ALOX5AP: variants seen among roughly 807,000 people sequenced by gnomAD.
ALOX5AP encodes the protein arachidonate 5-lipoxygenase-activating protein.
ALOX5AP carries 9 observed loss-of-function variants against 18.5 expected under a neutral mutation model. The ratio of observed to expected loss-of-function variants is 0.49; its 90% CI spans 0.29 to 0.85. The LOEUF (loss-of-function observed/expected upper bound fraction) is 0.85. Among genes scored for constraint, ALOX5AP ranks in the 40% least tolerant of loss-of-function variants. The probability of loss-of-function intolerance (pLI) is 0.08; values close to 1 mark genes in which losing one functional copy is unlikely to be tolerated. For missense variants in ALOX5AP, 172 were observed against 202.5 expected, an observed-to-expected ratio of 0.85 and a Z score of 0.91; for synonymous variants, 81 against 78.6, an observed-to-expected ratio of 1.03 and a Z score of -0.16.
At chr13:30,757,522 C>T (rs1480224646) in intron 4 of ALOX5AP, among the ~76,000 whole-genome samples, 5 of 152,112 alleles carry the variant, frequency 3.3e-5, no homozygotes, top group African/African-American at 1.2e-4. Context: ...TCTATCATGC[C>T]TTTTCCCATG....
chr13:30,719,785 G>T (rs940124334), intron 1 of ALOX5AP, among the ~76,000 whole-genome samples: 1 of 152,116 alleles, frequency 6.6e-6, no homozygotes, highest in African/African-American at 2.4e-5. Context: ...TCTAATTCGT[G>T]ATTGTAATTC....
rs1593422609 is a variant in ALOX5AP, at chr13:30,714,635, A to G, written c.116+794A>G. ...GAGTTCTTGAGCCAGGACCTAGCGC[A>G]TAGTCTCCAGCCTGCTGATGGCTGT... On this transcript the variant is annotated intron_variant, in intron 1 of 5. Coordinates refer to the ALOX5AP transcript ENST00000617770. Among the ~76,000 whole-genome samples the G allele has an allele frequency of 2.0e-5, 3 of 151,500 alleles. No individual in the cohort carries two copies. The East Asian group carries it at 5.9e-4, about 30-fold the overall frequency.
At chr13:30,733,019 C>T (rs1205765296), upstream of ALOX5AP, among the ~76,000 whole-genome samples, 5 of 151,900 alleles carry the variant, frequency 3.3e-5, no homozygotes, top group Non-Finnish European at 5.9e-5. Flanking sequence ...ATTAGCCAGG[C>T]GTGGTGGTGG....
At chr13:30,722,830 T>C (rs1951604671) in intron 1 of ALOX5AP, among the ~76,000 whole-genome samples, 1 of 152,176 alleles carries the variant, frequency 6.6e-6, no homozygotes, top group Admixed American at 6.5e-5. Flanking sequence ...CTTGGATCCT[T>C]CCACCCCTCT....
chr13:30,746,421 C>CA (rs1951809975), intron 2 of ALOX5AP, among the ~76,000 whole-genome samples: 1 of 152,238 alleles, frequency 6.6e-6, no homozygotes, highest in Non-Finnish European at 1.5e-5. Context: ...TTCTGTAAGA[C>CA]AAAAACTGTC....
chr13:30,738,808 G>A (rs879302958), intron 1 of ALOX5AP, among the ~76,000 whole-genome samples: 2 of 152,102 alleles, frequency 1.3e-5, no homozygotes, highest in Non-Finnish European at 2.9e-5. Flanking sequence ...CATTAGCAGC[G>A]GCCTCTTTCC....
chr13:30,733,776 C>A (rs1951699802), upstream of ALOX5AP, among the ~76,000 whole-genome samples: 1 of 152,192 alleles, frequency 6.6e-6, no homozygotes, highest in African/African-American at 2.4e-5. Context: ...GGGCAAATTC[C>A]CTCTTCTTCT....
chr13:30,716,192 A>AT (rs1242445334), intron 1 of ALOX5AP, among the ~76,000 whole-genome samples: 1 of 152,144 alleles, frequency 6.6e-6, no homozygotes, highest in Non-Finnish European at 1.5e-5. Context: ...GTTAGCTTGC[A>AT]TTTTTCAATC....
chr13:30,717,643 C>T (rs145882451), intron 1 of ALOX5AP, among the ~76,000 whole-genome samples: 3 of 152,272 alleles, frequency 2.0e-5, no homozygotes, highest in East Asian at 3.9e-4. Context: ...ATGCATAGGG[C>T]GAGGTGTGGA....
At chr13:30,743,860 CTG>C (rs1239893136) in intron 1 of ALOX5AP, among the ~76,000 whole-genome samples, 198 bp from the exon 2 acceptor site, 2 of 152,228 alleles carry the variant, frequency 1.3e-5, no homozygotes, top group East Asian at 1.9e-4. Context: ...TTGCTCATGA[CTG>C]TGTTTCTAAC....
At chr13:30,731,363 T>C (rs1474620111), upstream of ALOX5AP, among the ~76,000 whole-genome samples, 1 of 149,602 alleles carries the variant, frequency 6.7e-6, no homozygotes, top group Non-Finnish European at 1.5e-5. Flanking sequence ...TGTGGGTCTT[T>C]GCCTTGACCA....
In ALOX5AP at chr13:30,758,521, C is replaced by G. The variant is rs1339274895; in HGVS notation, c.323+2496C>G. On this transcript the variant is annotated intron_variant, in intron 4 of 4. Transcript: ENST00000380490. ...TAGGAAGTTCAGTGTCATCCTTGATCCAGTGGGTAGGGAAGACATTCCATA... is the reference window on the plus strand; with the variant it reads ...TAGGAAGTTCAGTGTCATCCTTGATGCAGTGGGTAGGGAAGACATTCCATA... Among the ~76,000 whole-genome samples, 4 of 152,216 alleles carry G rather than the reference C, an allele frequency of 2.6e-5. No individual in the cohort carries two copies. In the East Asian group the frequency reaches 7.7e-4, roughly 29 times the overall value.
At chr13:30,717,611 A>G (rs1213187028) in intron 1 of ALOX5AP, among the ~76,000 whole-genome samples, 1 of 152,236 alleles carries the variant, frequency 6.6e-6, no homozygotes, top group Non-Finnish European at 1.5e-5. Flanking sequence ...ATTTTAAAGG[A>G]TAAAAGTAGG....
At chr13:30,756,094 C>G in intron 4 of ALOX5AP, 69 bp downstream of exon 4, 3 of 1,483,578 alleles carry the variant, frequency 2.0e-6, no homozygotes, top group Non-Finnish European at 2.8e-6. Context: ...AGTGACAATT[C>G]AAAACAGTAT....
chr13:30,726,848 T>G (rs981670477), intron 1 of ALOX5AP, among the ~76,000 whole-genome samples: 2 of 152,054 alleles, frequency 1.3e-5, no homozygotes, highest in Admixed American at 6.6e-5. Flanking sequence ...TTTTTCCTAT[T>G]CCTCTACTTA....
chr13:30,756,445 A>G (rs1951894652), intron 4 of ALOX5AP, among the ~76,000 whole-genome samples: 1 of 152,192 alleles, frequency 6.6e-6, no homozygotes, highest in Admixed American at 6.5e-5. Context: ...ACCTTGTGAT[A>G]AGTTGTCCTG....
chr13:30,715,372 A>T (rs9508828), intron 1 of ALOX5AP, among the ~76,000 whole-genome samples: 8,441 of 152,316 alleles, frequency 0.055, 264 homozygotes, highest in South Asian at 0.097. Flanking sequence ...ATTCTAATAA[A>T]CAATATGGCT....
At chr13:30,730,705 C>A (rs115464986), upstream of ALOX5AP, among the ~76,000 whole-genome samples, 655 of 152,310 alleles carry the variant, frequency 4.3e-3, 6 homozygotes, top group African/African-American at 0.015. Flanking sequence ...AGGCTGACAG[C>A]CGGGCATAGT....
upstream of ALOX5AP, chr13:30,735,389 TG>T: frequency 1.0e-6 from 1 of 1,001,484 alleles, no homozygotes; most frequent in Non-Finnish European, 1.4e-6. Context: ...CTGCTTCTCC[TG>T]GTGGGACACA....
Sources: allele counts gnomAD v4.1 joint callset (sites outside exome capture counted in the v4.1 genomes callset), GRCh38; gene constraint gnomAD v4.1.1; transcripts MANE v1.5; gene names NCBI Gene and HGNC (gene_info 2026-07-23, HGNC 2026-07-21).